The following SBF2 variants were observed in gnomAD, a reference collection of about 807,000 sequenced individuals.
The protein encoded by SBF2 is myotubularin-related protein 13.
A neutral mutation model predicts 225.2 loss-of-function variants in SBF2; 112 were observed. The observed-to-expected ratio is 0.50, with a 90% CI of 0.43 to 0.58. SBF2 has a LOEUF of 0.58. Ranked by LOEUF, SBF2 falls within the 20% of genes least tolerant of loss-of-function variation. The probability of loss-of-function intolerance (pLI) is 0.00; values close to 1 mark genes in which losing one functional copy is unlikely to be tolerated. For synonymous variants in SBF2, 763 were observed against 773.3 expected (o/e 0.99, Z 0.22); for missense variants, 1,996 against 2,206.2 (o/e 0.90, Z 1.91).
chr11:10,165,299 T>A (rs1297294754), intron 2 of SBF2, among the ~76,000 whole-genome samples: 1 of 152,198 alleles, frequency 6.6e-6, no homozygotes, highest in Non-Finnish European at 1.5e-5. Context: ...TATTGGTATT[T>A]GAAGCTTGCC....
chr11:10,265,044 G>A (rs983868923), intron 1 of SBF2, among the ~76,000 whole-genome samples: 8 of 152,078 alleles, frequency 5.3e-5, no homozygotes, highest in African/African-American at 1.4e-4. Context: ...GTAAACATAC[G>A]TGTGCATGTG....
At chr11:10,077,433 T>C (rs142449673) in intron 2 of SBF2, among the ~76,000 whole-genome samples, 1 of 152,118 alleles carries the variant, frequency 6.6e-6, no homozygotes, top group Non-Finnish European at 1.5e-5. Context: ...CAAAATAATA[T>C]GGTACTGGTA....
chr11:9,956,074 T>C (rs1030872453), intron 16 of SBF2, among the ~76,000 whole-genome samples: 3 of 152,166 alleles, frequency 2.0e-5, no homozygotes, highest in African/African-American at 7.2e-5. Context: ...TTCTTTAAGA[T>C]TCATCTACAT....
Position 10,048,796 on chromosome 11 carries a change from C to T in SBF2, c.142-5815G>A, listed in dbSNP as rs371380002. On this transcript the variant is annotated intron_variant, in intron 2 of 39. Transcript: ENST00000256190. ...ATATTTGGAAGCTGTATATAACTCA[C>T]TAAACCCATATTTGTCAAATGACCA... Among the ~76,000 whole-genome samples, 9 of 152,110 alleles carry T rather than the reference C, an allele frequency of 5.9e-5. 1 individual carries two copies. The South Asian group carries it at 1.9e-3, about 32-fold the overall frequency.
At chr11:10,242,480 C>T (rs1429179782) in intron 1 of SBF2, among the ~76,000 whole-genome samples, 1 of 151,894 alleles carries the variant, frequency 6.6e-6, no homozygotes, top group Non-Finnish European at 1.5e-5. Context: ...AAAAAATTAA[C>T]AATGGCAATA....
At chr11:9,898,312 T>C (rs1353910905) in intron 16 of SBF2, among the ~76,000 whole-genome samples, 7 of 152,194 alleles carry the variant, frequency 4.6e-5, no homozygotes, top group East Asian at 1.9e-4. Context: ...ATTTCATGTA[T>C]TGTCAATTCT....
intron 16 of SBF2, among the ~76,000 whole-genome samples, chr11:9,915,889 C>A (rs941589669): frequency 1.3e-5 from 2 of 152,078 alleles, no homozygotes; most frequent in African/African-American, 2.4e-5. Context: ...TATGGTGAAA[C>A]CCCATGTCTA....
intron 2 of SBF2, among the ~76,000 whole-genome samples, chr11:10,140,297 G>A (rs920457382): frequency 6.6e-6 from 1 of 152,198 alleles, no homozygotes; most frequent in Non-Finnish European, 1.5e-5. Flanking sequence ...CCAACAATAT[G>A]ATTAGAGCAC....
intron 2 of SBF2, among the ~76,000 whole-genome samples, chr11:10,111,801 C>G (rs774355924): frequency 6.6e-6 from 1 of 152,154 alleles, no homozygotes; most frequent in Non-Finnish European, 1.5e-5. Flanking sequence ...CGCTTGAACC[C>G]GGGAGACAGA....
intron 16 of SBF2, among the ~76,000 whole-genome samples, chr11:9,922,793 T>C (rs1863735509): frequency 1.3e-5 from 2 of 152,146 alleles, no homozygotes; most frequent in Non-Finnish European, 2.9e-5. Flanking sequence ...TACTTAGCCC[T>C]TTAGAAATGC....
chr11:10,141,134 A>G (rs1954621050), intron 2 of SBF2, among the ~76,000 whole-genome samples: 1 of 152,178 alleles, frequency 6.6e-6, no homozygotes, highest in Non-Finnish European at 1.5e-5. Flanking sequence ...TTAAATCTAT[A>G]CCTGTGAATA....
intron 16 of SBF2, among the ~76,000 whole-genome samples, chr11:9,929,662 G>A (rs1034130888): frequency 2.0e-5 from 3 of 152,134 alleles, no homozygotes; most frequent in African/African-American, 7.2e-5. Flanking sequence ...CACAACCAAT[G>A]CTTCAAAAGT....
chr11:10,230,871 G>A (rs1958811140), intron 1 of SBF2, among the ~76,000 whole-genome samples: 1 of 152,162 alleles, frequency 6.6e-6, no homozygotes, highest in South Asian at 2.1e-4. Flanking sequence ...TGCTAGATTG[G>A]GGAAGTTCTC....
chr11:10,209,647 T>C (rs775355235), intron 1 of SBF2, among the ~76,000 whole-genome samples: 2 of 152,070 alleles, frequency 1.3e-5, no homozygotes, highest in East Asian at 1.9e-4. Flanking sequence ...AAATTAATCA[T>C]GACCAAATTG....
intron 1 of SBF2, among the ~76,000 whole-genome samples, chr11:10,260,023 G>C (rs1961274247): frequency 6.6e-6 from 1 of 152,038 alleles, no homozygotes; most frequent in Non-Finnish European, 1.5e-5. Context: ...TGCTTACTAG[G>C]AACAATTTAT....
chr11:10,288,655 C>A (rs868354056), intron 1 of SBF2, among the ~76,000 whole-genome samples: 1 of 152,216 alleles, frequency 6.6e-6, no homozygotes, highest in Middle Eastern at 3.4e-3. Flanking sequence ...CAGCTCTCAG[C>A]AGAGAGGAGG....
At chr11:10,185,474 G>T (rs73415065) in intron 2 of SBF2, among the ~76,000 whole-genome samples, 1,616 of 152,076 alleles carry the variant, frequency 0.011, 35 homozygotes, top group African/African-American at 0.037. Flanking sequence ...TTTTTTTAGA[G>T]TTGGAATCTC....
At chr11:9,941,275 C>A (rs1041052388) in intron 16 of SBF2, among the ~76,000 whole-genome samples, 2 of 152,082 alleles carry the variant, frequency 1.3e-5, no homozygotes, top group Non-Finnish European at 2.9e-5. Flanking sequence ...TGATTCCCAC[C>A]CCTGCGTGCC....
At chr11:9,807,909 G>C in intron 32 of SBF2, 91 bp downstream of exon 32, 2 of 1,110,488 alleles carry the variant, frequency 1.8e-6, no homozygotes, top group Non-Finnish European at 2.7e-6. Flanking sequence ...ATGACAGGAA[G>C]GTACCGGGCA....
Sources: gnomAD v4.1 joint callset for allele counts (sites outside exome capture counted in the v4.1 genomes callset) on GRCh38, gnomAD v4.1.1 for gene constraint, MANE v1.5 for transcripts, NCBI Gene and HGNC (gene_info 2026-07-23, HGNC 2026-07-21) for gene names.